Variants in ZNF609 observed in about 807,000 individuals in gnomAD.
ZNF609 encodes the protein zinc finger protein 609.
A neutral mutation model predicts 109.5 loss-of-function variants in ZNF609; 11 were observed. The observed-to-expected ratio is 0.10, with a 90% CI of 0.06 to 0.17. The LOEUF (loss-of-function observed/expected upper bound fraction) is 0.17. Among genes scored for constraint, ZNF609 ranks in the 10% least tolerant of loss-of-function variants. The probability of loss-of-function intolerance (pLI) is 1.00; values close to 1 mark genes in which losing one functional copy is unlikely to be tolerated. For missense variants in ZNF609, 1,559 were observed against 1,772.4 expected (o/e 0.88, Z 2.16); for synonymous variants, 646 against 662.0 (o/e 0.98, Z 0.37).
chr15:64,664,069 A>C (rs1468334967), intron 3 of ZNF609, among the ~76,000 whole-genome samples: 1 of 152,038 alleles, frequency 6.6e-6, no homozygotes, highest in Non-Finnish European at 1.5e-5. Flanking sequence ...CTCTACTAAT[A>C]ATACAAAAAT....
intron 1 of ZNF609, among the ~76,000 whole-genome samples, chr15:64,483,680 C>T (rs1596379516): frequency 6.6e-6 from 1 of 152,266 alleles, no homozygotes; most frequent in East Asian, 1.9e-4. Context: ...GCCACCATGC[C>T]CAGCACTGTT....
intron 2 of ZNF609, among the ~76,000 whole-genome samples, chr15:64,525,766 A>C (rs1893959817): frequency 6.6e-6 from 1 of 151,704 alleles, no homozygotes; most frequent in African/African-American, 2.4e-5. Flanking sequence ...TTGTGGTTTT[A>C]GTGTACAAAT....
intron 2 of ZNF609, among the ~76,000 whole-genome samples, chr15:64,536,935 AAAAAAG>A (rs1217921872): frequency 6.7e-6 from 1 of 148,688 alleles, no homozygotes. Context: ...AAAAAAAAAA[AAAAAAG>A]GCCGGGCACG....
chr15:64,531,609 G>A (rs1217285638), intron 2 of ZNF609, among the ~76,000 whole-genome samples: 1 of 152,026 alleles, frequency 6.6e-6, no homozygotes, highest in Non-Finnish European at 1.5e-5. Flanking sequence ...ATGTTGCCCA[G>A]GCGGGTCTTG....
At chr15:64,671,762 T>C (rs929975192) in intron 4 of ZNF609, among the ~76,000 whole-genome samples, 1 of 152,224 alleles carries the variant, frequency 6.6e-6, no homozygotes, top group African/African-American at 2.4e-5. Flanking sequence ...GTTTCTTTGT[T>C]GGATCATATT....
intron 3 of ZNF609, among the ~76,000 whole-genome samples, chr15:64,651,118 T>C (rs908939202): frequency 2.0e-5 from 3 of 152,124 alleles, no homozygotes; most frequent in African/African-American, 7.2e-5. Flanking sequence ...TATATATACA[T>C]ATATACACAT....
intron 2 of ZNF609, among the ~76,000 whole-genome samples, chr15:64,527,308 CTT>C (rs560955873): frequency 7.3e-6 from 1 of 136,628 alleles, no homozygotes; most frequent in Admixed American, 7.5e-5. Context: ...TTTCCAACGT[CTT>C]TTTTTTTTTT....
intron 1 of ZNF609, among the ~76,000 whole-genome samples, chr15:64,472,818 G>T (rs1317619102): frequency 2.6e-5 from 4 of 152,076 alleles, no homozygotes; most frequent in African/African-American, 7.2e-5. Flanking sequence ...CTTTACTCCA[G>T]CCTGGGCAGC....
intron 1 of ZNF609, among the ~76,000 whole-genome samples, chr15:64,492,337 C>A (rs567297276): frequency 7.2e-5 from 11 of 151,800 alleles, no homozygotes; most frequent in Non-Finnish European, 1.3e-4. Context: ...GAAAAGATTG[C>A]CATTTCCTTT....
At chr15:64,631,645 G>A in intron 3 of ZNF609, 1 of 314,012 alleles carries the variant, frequency 3.2e-6, no homozygotes, top group Non-Finnish European at 6.0e-6. Flanking sequence ...CGATTCTCCT[G>A]CCTCAGCCTC....
At chr15:64,680,561 TTGTGTGTGTGTG>T (rs147044397) in intron 7 of ZNF609, 73 bp from the exon 8 acceptor site, 24 of 1,132,822 alleles carry the variant, frequency 2.1e-5, no homozygotes, top group African/African-American at 3.2e-5. Context: ...GGCATCTCAC[TTGTGTGTGTGTG>T]TGTGTGTGTG....
intron 1 of ZNF609, among the ~76,000 whole-genome samples, chr15:64,469,259 A>G (rs1246939752): frequency 6.6e-6 from 1 of 151,250 alleles, no homozygotes; most frequent in African/African-American, 2.4e-5. Context: ...GATAAATTCC[A>G]TTTCAATAAA....
At chr15:64,641,219 C>CTTTCTTTTTTTTTTTT (rs1284761579) in intron 3 of ZNF609, among the ~76,000 whole-genome samples, 15 of 69,736 alleles carry the variant, frequency 2.2e-4, no homozygotes, top group Non-Finnish European at 3.1e-4. Flanking sequence ...CTTGTGCTTT[C>CTTTCTTTTTTTTTTTT]TTTTTTTTTT....
At chr15:64,497,758 A>G (rs1174777243) in intron 1 of ZNF609, among the ~76,000 whole-genome samples, 1 of 151,712 alleles carries the variant, frequency 6.6e-6, no homozygotes, top group Non-Finnish European at 1.5e-5. Context: ...CAAGTTAGTC[A>G]GTCATTGTGG....
intron 2 of ZNF609, among the ~76,000 whole-genome samples, chr15:64,619,285 C>T (rs781495130): frequency 5.3e-5 from 8 of 152,198 alleles, no homozygotes; most frequent in Non-Finnish European, 1.2e-4. Context: ...CAGGCTTGAG[C>T]CATTGCACCC....
intron 2 of ZNF609, among the ~76,000 whole-genome samples, chr15:64,531,057 A>G (rs559542295): frequency 2.0e-5 from 3 of 152,306 alleles, no homozygotes; most frequent in Admixed American, 6.5e-5. Flanking sequence ...CACTTAACAT[A>G]CATGTACTGC....
chr15:64,665,017 A>G (rs1291746541), intron 3 of ZNF609, among the ~76,000 whole-genome samples: 1 of 152,242 alleles, frequency 6.6e-6, no homozygotes, highest in Non-Finnish European at 1.5e-5. Flanking sequence ...TTCCTATTAA[A>G]TTGATTATGC....
intron 3 of ZNF609, among the ~76,000 whole-genome samples, chr15:64,649,057 T>G (rs1475969718): frequency 6.6e-6 from 1 of 152,090 alleles, no homozygotes; most frequent in Non-Finnish European, 1.5e-5. Context: ...GACTCCAGCT[T>G]TGGTTGGGCA....
At position 64,622,787 on chromosome 15, in the gene ZNF609, C is replaced by A. The variant is rs1451356004; in HGVS notation, c.748-40C>A. The A allele has an allele frequency of 4.6e-6, 7 of 1,538,174 alleles. No individual in the cohort carries two copies. The East Asian group carries it at 6.7e-5, about 15-fold the overall frequency. ...AGAAAAGGTATTTCCTCTAAATGTT[C>A]TCCCTGCAACTCAGCTACTACTTTT... On this transcript the variant is annotated intron_variant, in intron 2 of 9. Coordinates refer to ENST00000326648, the MANE Select transcript of ZNF609 (RefSeq NM_015042.2).
Sources: gnomAD v4.1 joint callset for allele counts (sites outside exome capture counted in the v4.1 genomes callset) on GRCh38, gnomAD v4.1.1 for gene constraint, MANE v1.5 for transcripts, NCBI Gene and HGNC (gene_info 2026-07-23, HGNC 2026-07-21) for gene names.